The following KCNK10 variants were observed in gnomAD, a reference collection of about 807,000 sequenced individuals.
KCNK10 encodes the protein potassium channel subfamily K member 10.
Under a neutral mutation model 47.7 loss-of-function variants are expected in KCNK10, and 25 were observed. The observed-to-expected ratio is 0.52, with a 90% CI of 0.38 to 0.73. The LOEUF (loss-of-function observed/expected upper bound fraction) is 0.73. Among genes scored for constraint, KCNK10 ranks in the 30% least tolerant of loss-of-function variants. KCNK10 has a pLI of 0.00. For synonymous variants in KCNK10, 303 were observed against 285.6 expected (o/e 1.06, Z -0.61); for missense variants, 563 against 714.5 (o/e 0.79, Z 2.42).
chr14:88,198,146 G>C (rs188304243), intron 4 of KCNK10, among the ~76,000 whole-genome samples: 2 of 152,258 alleles, frequency 1.3e-5, no homozygotes, highest in African/African-American at 4.8e-5. Flanking sequence ...TGTAATGGAC[G>C]ACCTTTAAAT....
At chr14:88,256,348 G>T (rs1470197987) in intron 2 of KCNK10, among the ~76,000 whole-genome samples, 2 of 152,196 alleles carry the variant, frequency 1.3e-5, no homozygotes, top group African/African-American at 4.8e-5. Flanking sequence ...GTGACCTGCT[G>T]CTTTGAGGCC....
At chr14:88,270,532 G>A (rs780159395) in intron 1 of KCNK10, among the ~76,000 whole-genome samples, 2 of 152,172 alleles carry the variant, frequency 1.3e-5, no homozygotes, top group Non-Finnish European at 2.9e-5. Context: ...TTTGGGTGAA[G>A]CATTGCTCCC....
chr14:88,263,069 A>T, intron 2 of KCNK10, 133 bp downstream of exon 2: 1 of 682,310 alleles, frequency 1.5e-6, no homozygotes, highest in Non-Finnish European at 2.4e-6. Flanking sequence ...CTCACATGTC[A>T]CCTCCCTGGA....
intron 4 of KCNK10, among the ~76,000 whole-genome samples, chr14:88,216,508 C>T (rs545087328): frequency 6.6e-6 from 1 of 152,180 alleles, no homozygotes; most frequent in South Asian, 2.1e-4. Context: ...CACAGGACAA[C>T]TCCTATGACA....
chr14:88,236,554 A>G (rs888010824), intron 3 of KCNK10, among the ~76,000 whole-genome samples: 9 of 152,238 alleles, frequency 5.9e-5, no homozygotes, highest in African/African-American at 1.9e-4. Flanking sequence ...CTATAGAGCT[A>G]CGACTAAAAC....
intron 1 of KCNK10, among the ~76,000 whole-genome samples, chr14:88,286,999 C>A (rs980088840): frequency 1.3e-5 from 2 of 152,166 alleles, no homozygotes; most frequent in Non-Finnish European, 2.9e-5. Flanking sequence ...CAATACCAGG[C>A]ACTATTCCAA....
At chr14:88,294,321 G>A (rs1480871540) in intron 1 of KCNK10, among the ~76,000 whole-genome samples, 1 of 152,264 alleles carries the variant, frequency 6.6e-6, no homozygotes, top group African/African-American at 2.4e-5. Flanking sequence ...ATGTAAATCT[G>A]GAAGACAGAG....
At chr14:88,210,581 G>A (rs914728040) in intron 4 of KCNK10, among the ~76,000 whole-genome samples, 1 of 152,146 alleles carries the variant, frequency 6.6e-6, no homozygotes, top group African/African-American at 2.4e-5. Context: ...TGAGCCACCC[G>A]TCCTCCCACC....
At chr14:88,319,586 A>G (rs1888501884) in intron 1 of KCNK10, among the ~76,000 whole-genome samples, 1 of 152,160 alleles carries the variant, frequency 6.6e-6, no homozygotes, top group Non-Finnish European at 1.5e-5. Flanking sequence ...GTTAGTAGAG[A>G]AAGGAACAAG....
chr14:88,313,007 C>T (rs1207881495), intron 1 of KCNK10, among the ~76,000 whole-genome samples: 2 of 152,190 alleles, frequency 1.3e-5, no homozygotes, highest in African/African-American at 4.8e-5. Context: ...ATTAAACAGA[C>T]TTCTGAACTA....
chr14:88,292,349 G>C (rs1887897244), intron 1 of KCNK10, among the ~76,000 whole-genome samples: 1 of 152,116 alleles, frequency 6.6e-6, no homozygotes, highest in African/African-American at 2.4e-5. Flanking sequence ...TTGTTTTGTT[G>C]TTGTTGCTGT....
At chr14:88,254,450 G>A (rs1471814829) in intron 2 of KCNK10, among the ~76,000 whole-genome samples, 4 of 152,076 alleles carry the variant, frequency 2.6e-5, no homozygotes, top group African/African-American at 7.2e-5. Context: ...GGGACCACTC[G>A]AGCTCCCCTG....
At chr14:88,207,325 A>T (rs1056826432) in intron 4 of KCNK10, among the ~76,000 whole-genome samples, 2 of 152,004 alleles carry the variant, frequency 1.3e-5, no homozygotes, top group Non-Finnish European at 2.9e-5. Context: ...GGGGCCCGCC[A>T]TCGCGCCCGG....
intron 1 of KCNK10, among the ~76,000 whole-genome samples, chr14:88,305,887 A>G (rs1339494599): frequency 6.6e-6 from 1 of 152,166 alleles, no homozygotes; most frequent in Non-Finnish European, 1.5e-5. Context: ...CATATTCCTG[A>G]GTTACCCTAC....
intron 2 of KCNK10, among the ~76,000 whole-genome samples, chr14:88,258,837 T>A (rs1003597177): frequency 6.6e-6 from 1 of 152,184 alleles, no homozygotes; most frequent in Non-Finnish European, 1.5e-5. Context: ...CTCCCCACGA[T>A]GGCTGTAAGA....
At chr14:88,290,052 A>C (rs887437962) in intron 1 of KCNK10, among the ~76,000 whole-genome samples, 2 of 152,244 alleles carry the variant, frequency 1.3e-5, no homozygotes, top group Non-Finnish European at 2.9e-5. Context: ...GGTCCCCCAA[A>C]GATGTCCATG....
At chr14:88,315,041 G>A (rs1888400575) in intron 1 of KCNK10, among the ~76,000 whole-genome samples, 1 of 152,176 alleles carries the variant, frequency 6.6e-6, no homozygotes, top group Non-Finnish European at 1.5e-5. Flanking sequence ...CTAAATGAGT[G>A]GCAGCGCCAG....
intron 1 of KCNK10, among the ~76,000 whole-genome samples, chr14:88,310,204 T>TCATATACCATATCATATGGTATAG (rs1888291595): frequency 8.1e-6 from 1 of 124,146 alleles, no homozygotes; most frequent in Non-Finnish European, 1.9e-5. Context: ...ATATGGTATA[T>TCATATACCATATCATATGGTATAG]GATATACCAT....
intron 1 of KCNK10, among the ~76,000 whole-genome samples, chr14:88,306,582 C>A (rs899582184): frequency 1.3e-5 from 2 of 151,754 alleles, no homozygotes; most frequent in African/African-American, 4.8e-5. Flanking sequence ...GGTACCACGC[C>A]TTTTCCTTCC....
Sources: gnomAD v4.1 joint callset for allele counts (sites outside exome capture counted in the v4.1 genomes callset) on GRCh38, gnomAD v4.1.1 for gene constraint, MANE v1.5 for transcripts, NCBI Gene and HGNC (gene_info 2026-07-23, HGNC 2026-07-21) for gene names.